NTM: variants seen among roughly 807,000 people sequenced by gnomAD.
The protein encoded by NTM is neurotrimin, also known as IgLON family member 2.
A neutral mutation model predicts 42.1 loss-of-function variants in NTM; 13 were observed. The observed-to-expected ratio is 0.31, with a 90% CI of 0.20 to 0.49. NTM has a LOEUF of 0.49. NTM is among the 20% of genes least tolerant of loss of function. NTM has a pLI of 0.99. For synonymous variants in NTM, 187 were observed against 179.2 expected (o/e 1.04, Z -0.35); for missense variants, 373 against 452.8 (o/e 0.82, Z 1.60).
chr11:131,523,941 G>A lies in NTM; in HGVS notation c.82+153053G>A, dbSNP rs143552844. On this transcript the variant is annotated intron_variant, in intron 1 of 8. Transcript: ENST00000683400. ...ATGCTGAACAGGGTAGCATAGCTGAGGGAGGAAGACTGCAGAGGGGACAAG... is the reference window on the plus strand; with the variant it reads ...ATGCTGAACAGGGTAGCATAGCTGAAGGAGGAAGACTGCAGAGGGGACAAG... Among the ~76,000 whole-genome samples, 667 of 152,250 alleles carry A rather than the reference G, an allele frequency of 4.4e-3. 5 individuals are homozygous for A. Among genetic ancestry groups the A allele is most frequent in the African/African-American group, 0.015 (636 of 41,560 alleles).
At chr11:132,324,682 A>T (rs1355800894) in intron 7 of NTM, among the ~76,000 whole-genome samples, 5 of 104,636 alleles carry the variant, frequency 4.8e-5, no homozygotes, top group African/African-American at 7.5e-5. Context: ...TAAAGTTCAT[A>T]CGGAACCAAA....
chr11:131,945,690 G>A (rs1300019089), intron 2 of NTM, among the ~76,000 whole-genome samples: 1 of 152,198 alleles, frequency 6.6e-6, no homozygotes, highest in Non-Finnish European at 1.5e-5. Flanking sequence ...TTGCATACTT[G>A]TTAATTTCCC....
intron 1 of NTM, among the ~76,000 whole-genome samples, chr11:131,840,283 G>A (rs1592208603): frequency 2.0e-5 from 3 of 152,278 alleles, no homozygotes; most frequent in African/African-American, 7.2e-5. Flanking sequence ...CAATATTAAG[G>A]ATTAGGTGAG....
chr11:132,184,800 G>GT, intron 3 of NTM, among the ~76,000 whole-genome samples: 1 of 152,160 alleles, frequency 6.6e-6, no homozygotes, highest in South Asian at 2.1e-4. Context: ...TTTCTAGGCA[G>GT]TTGACCTTCA....
chr11:131,980,890 G>A (rs377292257), intron 2 of NTM, among the ~76,000 whole-genome samples: 9 of 152,188 alleles, frequency 5.9e-5, no homozygotes, highest in Non-Finnish European at 1.2e-4. Flanking sequence ...CTGGCTGTGC[G>A]ATAGGGGTTC....
At chr11:131,542,367 A>C (rs1353801298) in intron 1 of NTM, among the ~76,000 whole-genome samples, 4 of 152,316 alleles carry the variant, frequency 2.6e-5, no homozygotes, top group African/African-American at 9.6e-5. Context: ...TCAGAACTGC[A>C]CTGTGAACTT....
intron 1 of NTM, among the ~76,000 whole-genome samples, chr11:131,745,724 GA>G (rs201059163): frequency 5.3e-5 from 8 of 149,858 alleles, no homozygotes; most frequent in African/African-American, 1.2e-4. Context: ...TAGGTGGTGA[GA>G]AAAAAAAATG....
chr11:131,526,588 A>G (rs1014687289), intron 1 of NTM, among the ~76,000 whole-genome samples: 1 of 152,228 alleles, frequency 6.6e-6, no homozygotes, highest in Non-Finnish European at 1.5e-5. Flanking sequence ...TGACTTAAGT[A>G]GAGGCAGCTC....
intron 3 of NTM, among the ~76,000 whole-genome samples, chr11:132,187,242 T>TGTGTGTGTGC (rs1555304719): frequency 1.7e-5 from 2 of 116,740 alleles, no homozygotes; most frequent in African/African-American, 6.1e-5. Context: ...TGTGTGTGTG[T>TGTGTGTGTGC]GTGTGCGTGT....
chr11:132,105,379 C>G (rs2062231068), intron 2 of NTM, among the ~76,000 whole-genome samples: 1 of 151,778 alleles, frequency 6.6e-6, no homozygotes, highest in Admixed American at 6.6e-5. Flanking sequence ...ACTGTTAGCT[C>G]AGAAAACTGT....
chr11:131,825,472 C>T (rs559489402), intron 1 of NTM, among the ~76,000 whole-genome samples: 2 of 152,186 alleles, frequency 1.3e-5, no homozygotes, highest in East Asian at 1.9e-4. Flanking sequence ...TTGGCTTCTT[C>T]GAGGACTGGT....
At chr11:131,603,422 A>C (rs10894419) in intron 1 of NTM, among the ~76,000 whole-genome samples, 71,868 of 151,726 alleles carry the variant, frequency 0.47, 17,688 homozygotes, top group East Asian at 0.61. Context: ...TGATGCTAAC[A>C]CTGTTGGTCC....
intron 4 of NTM, among the ~76,000 whole-genome samples, chr11:132,228,190 G>A (rs535262523): frequency 2.7e-4 from 41 of 152,284 alleles, no homozygotes; most frequent in Non-Finnish European, 4.7e-4. Context: ...TGCCCAAGTC[G>A]TATCCTCAGG....
In NTM at chr11:131,549,575, A is replaced by G. The variant is rs540936034; in HGVS notation, c.82+178687A>G. On this transcript the variant is annotated intron_variant, in intron 1 of 8. Transcript: ENST00000683400. ...TTAATTTCTCTGGAAAACATCAACA[A>G]CAAAACAAAACGCCCTGTGCTCCAA... Among the ~76,000 whole-genome samples the G allele has an allele frequency of 5.9e-5, 9 of 152,226 alleles. No homozygotes were observed. The East Asian group carries it at 1.7e-3, about 29-fold the overall frequency.
chr11:131,972,283 CTGAA>C (rs1167829513), intron 2 of NTM, among the ~76,000 whole-genome samples: 1 of 151,962 alleles, frequency 6.6e-6, no homozygotes, highest in Non-Finnish European at 1.5e-5. Context: ...TTTACTAAAA[CTGAA>C]TGAGTTAAAT....
chr11:132,104,935 A>ATGTGTGTG lies in NTM; in HGVS notation c.168-41344_168-41343insGTGTGTGT, dbSNP rs202203556. Among the ~76,000 whole-genome samples the ATGTGTGTG allele has an allele frequency of 4.7e-3, 94 of 19,978 alleles. 6 individuals carry two copies. The highest frequency in any genetic ancestry group is 0.017 in the African/African-American group (91 of 5,230). The allele number at this position is 19,978 out of a possible 152,430, so 13.1% of individuals were successfully genotyped here. On this transcript the variant is annotated intron_variant, in intron 2 of 8. Transcript: ENST00000683400. ...CCTCTCTCTCTCTCCATATATACAT[A>ATGTGTGTG]TGTATATATATATATATATATATAT...
chr11:131,602,137 G>A (rs1329098658), intron 1 of NTM, among the ~76,000 whole-genome samples: 3 of 152,160 alleles, frequency 2.0e-5, no homozygotes, highest in Non-Finnish European at 2.9e-5. Context: ...TTGCTACTCA[G>A]GCAGGCTGTA....
intron 1 of NTM, among the ~76,000 whole-genome samples, chr11:131,467,590 C>T (rs966942477): frequency 3.9e-5 from 6 of 152,186 alleles, no homozygotes; most frequent in African/African-American, 7.2e-5. Context: ...GTTCACAGCC[C>T]TGAGATACCT....
chr11:131,685,763 C>G (rs1455585890), intron 1 of NTM, among the ~76,000 whole-genome samples: 44 of 152,272 alleles, frequency 2.9e-4, no homozygotes, highest in Non-Finnish European at 1.5e-5. Flanking sequence ...GTCAATCTAC[C>G]TCCACAAAAA....
Sources: gnomAD v4.1 joint callset for allele counts (sites outside exome capture counted in the v4.1 genomes callset) on GRCh38, gnomAD v4.1.1 for gene constraint, MANE v1.5 for transcripts, NCBI Gene and HGNC (gene_info 2026-07-23, HGNC 2026-07-21) for gene names.